The following SUCLG2 variants were observed in gnomAD, a reference collection of about 807,000 sequenced individuals.
SUCLG2 encodes succinate-CoA ligase GDP-forming subunit beta.
SUCLG2 carries 42 observed loss-of-function variants against 47.9 expected under a neutral mutation model. The ratio of observed to expected loss-of-function variants is 0.88; its 90% CI spans 0.69 to 1.14. The LOEUF is 1.14. Ranked by LOEUF, SUCLG2 falls within the 50% of genes most tolerant of loss-of-function variation. SUCLG2 has a pLI of 0.00. For missense variants in SUCLG2, 571 were observed against 525.9 expected, an observed-to-expected ratio of 1.09 and a Z score of -0.84; for synonymous variants, 195 against 197.3, an observed-to-expected ratio of 0.99 and a Z score of 0.10.
At chr3:67,475,296 T>G (rs1704720144) in intron 9 of SUCLG2, among the ~76,000 whole-genome samples, 1 of 152,142 alleles carries the variant, frequency 6.6e-6, no homozygotes, top group Admixed American at 6.5e-5. Context: ...AAAGAAAATG[T>G]TTTTCATTTG....
intron 10 of SUCLG2, among the ~76,000 whole-genome samples, chr3:67,384,876 G>A (rs1359177372): frequency 6.6e-6 from 1 of 152,206 alleles, no homozygotes; most frequent in African/African-American, 2.4e-5. Context: ...ATAAAGAGAA[G>A]GTGGCATGAG....
At chr3:67,504,518 G>A (rs9872341) in intron 7 of SUCLG2, among the ~76,000 whole-genome samples, 104,013 of 152,126 alleles carry the variant, frequency 0.68, 35,824 homozygotes, top group Admixed American at 0.77. Flanking sequence ...CCAGTGAATG[G>A]ATTTCAGCTT....
chr3:67,652,798 C>A (rs943160405), intron 1 of SUCLG2, among the ~76,000 whole-genome samples: 1 of 152,192 alleles, frequency 6.6e-6, no homozygotes, highest in Non-Finnish European at 1.5e-5. Context: ...CATTGAACTT[C>A]TTTAGGCCTC....
intron 8 of SUCLG2, 108 bp downstream of exon 8, chr3:67,498,026 A>G (rs2107066872): frequency 8.1e-7 from 1 of 1,241,166 alleles, no homozygotes; most frequent in Non-Finnish European, 1.1e-6. Context: ...TCAGCTACAA[A>G]AAAACTTATG....
intron 2 of SUCLG2, among the ~76,000 whole-genome samples, chr3:67,581,922 T>C (rs140027188): frequency 2.0e-5 from 3 of 152,190 alleles, no homozygotes; most frequent in Non-Finnish European, 4.4e-5. Context: ...CAGTAAGAGT[T>C]GTAAATTAGC....
chr3:67,644,482 G>C (rs1023475872), intron 1 of SUCLG2, among the ~76,000 whole-genome samples: 22 of 152,108 alleles, frequency 1.4e-4, no homozygotes, highest in African/African-American at 4.8e-4. Context: ...CTAGGGGAAG[G>C]GGAGATGGGG....
At chr3:67,371,167 A>T (rs1442482753), downstream of SUCLG2, among the ~76,000 whole-genome samples, 3 of 152,160 alleles carry the variant, frequency 2.0e-5, no homozygotes, top group Non-Finnish European at 4.4e-5. Context: ...AGCTCCCAAT[A>T]AACATGCCTG....
intron 2 of SUCLG2, among the ~76,000 whole-genome samples, chr3:67,560,484 C>A (rs537932978): frequency 6.6e-6 from 1 of 152,280 alleles, no homozygotes; most frequent in South Asian, 2.1e-4. Context: ...CTGAGTCTGC[C>A]AACCACTAGC....
chr3:67,541,374 G>C (rs1409026089), intron 2 of SUCLG2, among the ~76,000 whole-genome samples: 1 of 152,064 alleles, frequency 6.6e-6, no homozygotes, highest in Non-Finnish European at 1.5e-5. Context: ...TGACCTAATG[G>C]AGCTGAAGGA....
intron 5 of SUCLG2, among the ~76,000 whole-genome samples, chr3:67,518,693 AGTT>A (rs1197569424): frequency 6.6e-6 from 1 of 152,244 alleles, no homozygotes; most frequent in African/African-American, 2.4e-5. Context: ...GCCTACTAGT[AGTT>A]AAGTTTAAAG....
Position 67,540,108 on chromosome 3 carries a change from T to A in SUCLG2, c.227-10922A>T, listed in dbSNP as rs371528659. ...TCTTGTCTTCTGCTTGCTTTTGAAT[T>A]TGTTTGCTGTTGCTTCTCTAGTTCT... On this transcript the variant is annotated intron_variant, in intron 2 of 10. Coordinates refer to ENST00000307227, the MANE Select transcript of SUCLG2 (RefSeq NM_003848.4). Among the ~76,000 whole-genome samples the A allele has an allele frequency of 4.0e-5, 6 of 151,290 alleles. No individual in the cohort carries two copies. The East Asian group carries it at 7.9e-4, about 20-fold the overall frequency.
chr3:67,593,730 T>C (rs1708228491), intron 2 of SUCLG2, among the ~76,000 whole-genome samples: 1 of 152,224 alleles, frequency 6.6e-6, no homozygotes, highest in South Asian at 2.1e-4. Context: ...GAAAGTCCCA[T>C]GTTCAGGGAA....
chr3:67,597,809 G>A (rs879265056), intron 2 of SUCLG2, among the ~76,000 whole-genome samples: 2 of 151,706 alleles, frequency 1.3e-5, no homozygotes, highest in Non-Finnish European at 2.9e-5. Flanking sequence ...ACGGTGGCGG[G>A]TGCCTGTAGT....
At chr3:67,503,751 T>A (rs1705563324) in intron 7 of SUCLG2, among the ~76,000 whole-genome samples, 1 of 152,232 alleles carries the variant, frequency 6.6e-6, no homozygotes, top group Non-Finnish European at 1.5e-5. Flanking sequence ...GTTACATGCT[T>A]GATAGATTAT....
intron 2 of SUCLG2, among the ~76,000 whole-genome samples, chr3:67,603,605 C>T (rs79307389): frequency 0.018 from 2,703 of 152,100 alleles, 73 homozygotes; most frequent in African/African-American, 0.061. Flanking sequence ...ATTTTCTTTC[C>T]CAACAAAAAA....
intron 9 of SUCLG2, among the ~76,000 whole-genome samples, chr3:67,457,499 A>T (rs1704215273): frequency 6.6e-6 from 1 of 152,216 alleles, no homozygotes; most frequent in African/African-American, 2.4e-5. Flanking sequence ...TGGGGAACTT[A>T]TTGGGGAATT....
chr3:67,652,962 T>G (rs1701313797), intron 1 of SUCLG2, among the ~76,000 whole-genome samples: 1 of 152,204 alleles, frequency 6.6e-6, no homozygotes, highest in Non-Finnish European at 1.5e-5. Context: ...AATATGTAAA[T>G]CACAGTAACC....
chr3:67,608,606 G>GT (rs1700467975), intron 2 of SUCLG2, among the ~76,000 whole-genome samples: 1 of 151,768 alleles, frequency 6.6e-6, no homozygotes, highest in South Asian at 2.1e-4. Context: ...TGCTCATACT[G>GT]TAAGAATTTC....
chr3:67,452,146 CA>C (rs1431491614), intron 9 of SUCLG2, among the ~76,000 whole-genome samples: 1 of 152,102 alleles, frequency 6.6e-6, no homozygotes, highest in Admixed American at 6.5e-5. Context: ...AAATAAAAAA[CA>C]AAAACTCTCT....
Sources: allele counts gnomAD v4.1 joint callset (sites outside exome capture counted in the v4.1 genomes callset), GRCh38; gene constraint gnomAD v4.1.1; transcripts MANE v1.5; gene names NCBI Gene and HGNC (gene_info 2026-07-23, HGNC 2026-07-21).